CFAP90: variants seen among roughly 807,000 people sequenced by gnomAD.
CFAP90 encodes cilia- and flagella-associated protein 90.
chr5:7,849,301 G>A, the CFAP90 span, among the ~76,000 whole-genome samples: 1 of 152,156 alleles, frequency 6.6e-6, no homozygotes, highest in East Asian at 1.9e-4. Context: ...GTCAGAAGGG[G>A]AATTTATTTA....
At chr5:7,844,829 C>A in the CFAP90 span, among the ~76,000 whole-genome samples, 577 of 152,262 alleles carry the variant, frequency 3.8e-3, 9 homozygotes, top group Admixed American at 0.033. Flanking sequence ...GGTTCCTAAG[C>A]AGACAGGACC....
At chr5:7,847,553 G>T in the CFAP90 span, among the ~76,000 whole-genome samples, 1 of 151,948 alleles carries the variant, frequency 6.6e-6, no homozygotes, top group African/African-American at 2.4e-5. Context: ...CCACAGACAT[G>T]CAAACACATA....
At chr5:7,839,853 C>CA in the CFAP90 span, among the ~76,000 whole-genome samples, 763 of 151,724 alleles carry the variant, frequency 5.0e-3, 8 homozygotes, top group African/African-American at 0.017. Context: ...AAATAAGGAC[C>CA]AAAAAAAATA....
chr5:7,832,039 G>T, the CFAP90 span: 1 of 1,600,878 alleles, frequency 6.2e-7, no homozygotes. Context: ...CCTGGTGAAA[G>T]TTATCAAAGC....
At chr5:7,844,117 G>GC in the CFAP90 span, among the ~76,000 whole-genome samples, 3 of 152,100 alleles carry the variant, frequency 2.0e-5, no homozygotes, top group African/African-American at 4.8e-5. Flanking sequence ...CTTGGGCTCA[G>GC]CCCCCCGACC....
At chr5:7,836,256 T>C in the CFAP90 span, among the ~76,000 whole-genome samples, 1 of 152,350 alleles carries the variant, frequency 6.6e-6, no homozygotes, top group African/African-American at 2.4e-5. Flanking sequence ...TTTCTACTTG[T>C]CTTGTGTTCT....
the CFAP90 span, among the ~76,000 whole-genome samples, chr5:7,846,541 A>G: frequency 6.6e-6 from 1 of 152,074 alleles, no homozygotes; most frequent in Non-Finnish European, 1.5e-5. Context: ...AACAAGGGTG[A>G]TAATACCATT....
the CFAP90 span, among the ~76,000 whole-genome samples, chr5:7,847,060 T>C: frequency 6.6e-6 from 1 of 152,226 alleles, no homozygotes; most frequent in African/African-American, 2.4e-5. Context: ...CTGAGTTCTC[T>C]AGAAAACCTG....
chr5:7,841,832 G>A, the CFAP90 span, among the ~76,000 whole-genome samples: 5 of 152,140 alleles, frequency 3.3e-5, no homozygotes, highest in African/African-American at 1.2e-4. Flanking sequence ...GTCAGAGGAC[G>A]GGACGTGGGA....
chr5:7,841,644 C>T, the CFAP90 span, among the ~76,000 whole-genome samples: 1 of 152,122 alleles, frequency 6.6e-6, no homozygotes, highest in Non-Finnish European at 1.5e-5. Flanking sequence ...ACTATGCAGC[C>T]ATAAAAAGGA....
At chr5:7,835,402 C>A in the CFAP90 span, 1 of 1,594,878 alleles carries the variant, frequency 6.3e-7, no homozygotes, top group Non-Finnish European at 8.6e-7. Context: ...ACATGAAGTC[C>A]CAGGCTTTTT....
At chr5:7,839,666 C>G in the CFAP90 span, among the ~76,000 whole-genome samples, 1 of 152,206 alleles carries the variant, frequency 6.6e-6, no homozygotes, top group South Asian at 2.1e-4. Context: ...CTATGAGCAG[C>G]CATGCCTGCC....
At chr5:7,842,983 A>C in the CFAP90 span, among the ~76,000 whole-genome samples, 1 of 152,186 alleles carries the variant, frequency 6.6e-6, no homozygotes, top group African/African-American at 2.4e-5. Context: ...TCCATAGCAC[A>C]TCCTAGCCCA....
the CFAP90 span, chr5:7,831,936 CA>C: frequency 7.4e-6 from 12 of 1,614,162 alleles, no homozygotes; most frequent in Non-Finnish European, 1.0e-5. Flanking sequence ...ACATGGTTGG[CA>C]CGGCCAAAGT....
chr5:7,850,450 G>T, the CFAP90 span, among the ~76,000 whole-genome samples: 1 of 151,758 alleles, frequency 6.6e-6, no homozygotes, highest in East Asian at 2.0e-4. Flanking sequence ...CCCTCCCAGG[G>T]CCCCTCCTCG....
At chr5:7,845,207 C>T in the CFAP90 span, among the ~76,000 whole-genome samples, 4 of 152,140 alleles carry the variant, frequency 2.6e-5, no homozygotes, top group Non-Finnish European at 5.9e-5. Flanking sequence ...GGGAAACTGC[C>T]CCCATGATCC....
the CFAP90 span, among the ~76,000 whole-genome samples, chr5:7,839,320 G>A: frequency 5.3e-5 from 8 of 152,306 alleles, no homozygotes; most frequent in East Asian, 1.6e-3. Context: ...CCCCCTCAGA[G>A]TGGATGGCAC....
At chr5:7,850,810 G>T in the CFAP90 span, 1 of 1,121,478 alleles carries the variant, frequency 8.9e-7, no homozygotes, top group Non-Finnish European at 1.1e-6. Context: ...CCGCCCAGCC[G>T]CCCAGCCGCC....
chr5:7,835,359 T>C, the CFAP90 span: 2 of 1,304,324 alleles, frequency 1.5e-6, no homozygotes, highest in South Asian at 2.5e-5. Flanking sequence ...TGACAACTTG[T>C]TAATATTCTG....
Sources: gnomAD v4.1 joint callset for allele counts (sites outside exome capture counted in the v4.1 genomes callset) on GRCh38, gnomAD v4.1.1 for gene constraint, MANE v1.5 for transcripts, NCBI Gene and HGNC (gene_info 2026-07-23, HGNC 2026-07-21) for gene names.